The following ITGA6 variants were observed in gnomAD, a reference collection of about 807,000 sequenced individuals.
ITGA6 encodes integrin alpha-6.
ITGA6 carries 63 observed loss-of-function variants against 133.6 expected under a neutral mutation model. The observed-to-expected ratio is 0.47, with a 90% confidence interval of 0.38 to 0.58. The LOEUF (loss-of-function observed/expected upper bound fraction) is 0.58. Among genes scored for constraint, ITGA6 ranks in the 20% least tolerant of loss-of-function variants. The pLI, the probability that ITGA6 is intolerant of heterozygous loss-of-function variation, is 0.00. For missense variants in ITGA6, 1,068 were observed against 1,309.4 expected (o/e 0.82, Z 2.85); for synonymous variants, 434 against 482.0 (o/e 0.90, Z 1.30).
At chr2:172,502,315 A>G (rs1687383504) in intron 25 of ITGA6, among the ~76,000 whole-genome samples, 1 of 152,164 alleles carries the variant, frequency 6.6e-6, no homozygotes, top group Non-Finnish European at 1.5e-5. Context: ...TTTTCCACAG[A>G]TAGAAGCTGT....
chr2:172,453,783 A>G (rs79338030), intron 1 of ITGA6, among the ~76,000 whole-genome samples: 1 of 152,326 alleles, frequency 6.6e-6, no homozygotes, highest in East Asian at 1.9e-4. Flanking sequence ...AATTATTAAT[A>G]CTGGAGTTTG....
At chr2:172,482,502 G>C (rs1484774878) in intron 11 of ITGA6, among the ~76,000 whole-genome samples, 2 of 152,146 alleles carry the variant, frequency 1.3e-5, no homozygotes, top group Non-Finnish European at 2.9e-5. Flanking sequence ...CAAGCAGTTA[G>C]CAAAGGTGGC....
rs564297820 is a variant in ITGA6, at chr2:172,440,113, C to A, written c.182+12143C>A. On this transcript the variant is annotated intron_variant, in intron 1 of 25. Transcript: ENST00000684293. ...TGGGTGTTTGCAAATAAGACAGCAC[C>A]TGTTTGCCCTCCTGGCCTTGCTAAA... 2.2e-4 allele frequency among the ~76,000 whole-genome samples: 34 copies of A among 152,282 alleles called. No homozygotes were observed. In the South Asian group the frequency reaches 3.9e-3, roughly 18 times the overall value.
intron 10 of ITGA6, 106 bp downstream of exon 10, chr2:172,479,845 G>T: frequency 1.7e-6 from 2 of 1,168,726 alleles, no homozygotes; most frequent in Non-Finnish European, 1.3e-6. Flanking sequence ...GGAGTGCTGG[G>T]CAAAGGGAAG....
chr2:172,486,176 C>CAAAAAAA lies in ITGA6; in HGVS notation c.1855-832_1855-826dup, dbSNP rs67271824. Among the ~76,000 whole-genome samples, 145 of 77,256 alleles carry CAAAAAAA rather than the reference C, an allele frequency of 1.9e-3. 2 individuals carry two copies. Among genetic ancestry groups the CAAAAAAA allele is most frequent in the East Asian group, 9.6e-3 (15 of 1,566 alleles). The allele number at this position is 77,256 out of a possible 152,430, so 50.7% of individuals were successfully genotyped here. On this transcript the variant is annotated intron_variant, in intron 13 of 25. Transcript: ENST00000684293. ...GGCAAAAAGAGTAAGACTCTATCTC[C>CAAAAAAA]AAAAAAAAAAAAAAAAAAAAACAAC... is the stretch of plus-strand genomic sequence containing the variant.
chr2:172,503,871 A>G (rs1687450107), intron 25 of ITGA6: 1 of 353,562 alleles, frequency 2.8e-6, no homozygotes, highest in Non-Finnish European at 5.1e-6. Flanking sequence ...GAAGATGAAA[A>G]TGGACTTTTC....
intron 1 of ITGA6, among the ~76,000 whole-genome samples, chr2:172,463,383 C>T (rs1455816289): frequency 6.6e-6 from 1 of 152,168 alleles, no homozygotes; most frequent in Non-Finnish European, 1.5e-5. Context: ...TCTTACCCAG[C>T]CTTCACTCCA....
At position 172,484,573 on chromosome 2, in the gene ITGA6, A is replaced by G. The variant is rs1686584747; in HGVS notation, c.1550-209A>G. 1.3e-5 allele frequency among the ~76,000 whole-genome samples: 2 copies of G among 150,390 alleles called. 1 individual carries two copies. Among genetic ancestry groups the G allele is most frequent in the South Asian group, 4.2e-4 (2 of 4,768 alleles). ...CCCCAGGTGGCACAATGAAAATTTA[A>G]CTTTGAAACATTGTTAACAGCAAAA... On this transcript the variant is annotated intron_variant, in intron 11 of 25. Coordinates refer to ENST00000684293, the MANE Select transcript of ITGA6 (RefSeq NM_000210.4).
chr2:172,444,174 A>G (rs988899679), intron 1 of ITGA6, among the ~76,000 whole-genome samples: 1 of 152,240 alleles, frequency 6.6e-6, no homozygotes, highest in Admixed American at 6.5e-5. Context: ...TGGTACTGCC[A>G]AGACTTGAAC....
At chr2:172,453,611 G>A (rs902104591) in intron 1 of ITGA6, among the ~76,000 whole-genome samples, 1 of 152,196 alleles carries the variant, frequency 6.6e-6, no homozygotes, top group Non-Finnish European at 1.5e-5. Flanking sequence ...TGGCTTACTG[G>A]TATTGGGCTG....
intron 13 of ITGA6, among the ~76,000 whole-genome samples, chr2:172,486,605 G>A (rs539635476): frequency 3.3e-5 from 5 of 152,264 alleles, no homozygotes; most frequent in East Asian, 1.9e-4. Context: ...TATGTAAATC[G>A]AGTATTATAA....
At position 172,483,705 on chromosome 2, in the gene ITGA6, T is replaced by C. The variant is rs146631316; in HGVS notation, c.1550-1077T>C. On this transcript the variant is annotated intron_variant, in intron 11 of 25. Coordinates refer to ENST00000684293, the MANE Select transcript of ITGA6 (RefSeq NM_000210.4). ...GTTATCAAGAACAGGCTGTGCCTTC[T>C]AGCCCAGTGCAAGGTAGGCAGTTTG... Among the ~76,000 whole-genome samples the C allele has an allele frequency of 5.0e-3, 755 of 152,336 alleles. 17 individuals carry two copies. Among genetic ancestry groups the C allele is most frequent in the Admixed American group, 0.04 (609 of 15,298 alleles).
intron 24 of ITGA6, among the ~76,000 whole-genome samples, chr2:172,501,383 T>A (rs1687341185): frequency 6.6e-6 from 1 of 152,242 alleles, no homozygotes; most frequent in Admixed American, 6.5e-5. Flanking sequence ...TTTTCTAACC[T>A]TTGTCTCAAT....
intron 3 of ITGA6, chr2:172,468,891 A>G: frequency 2.1e-6 from 1 of 478,660 alleles, no homozygotes; most frequent in Non-Finnish European, 3.7e-6. Flanking sequence ...TTTGGATTGG[A>G]GGATTATTCT....
chr2:172,427,512 G>A, upstream of ITGA6: 1 of 1,121,042 alleles, frequency 8.9e-7, no homozygotes, highest in Non-Finnish European at 1.1e-6. Context: ...CGCGCAAGGA[G>A]GGGCGAGAGG....
chr2:172,437,008 A>C (rs534400875), intron 1 of ITGA6, among the ~76,000 whole-genome samples: 2 of 152,174 alleles, frequency 1.3e-5, no homozygotes, highest in Non-Finnish European at 2.9e-5. Flanking sequence ...GCTGCCTGGG[A>C]AGACTTTGCT....
chr2:172,472,882 G>A (rs768980403), intron 5 of ITGA6: 1 of 1,598,592 alleles, frequency 6.3e-7, no homozygotes, highest in South Asian at 1.1e-5. Context: ...ATGATGAATA[G>A]CTACCTAGGT....
At chr2:172,428,336 G>GTGGC (rs1039204254) in intron 1 of ITGA6, 16 of 154,582 alleles carry the variant, frequency 1.0e-4, no homozygotes, top group African/African-American at 3.9e-4. Flanking sequence ...TGGGGCTGGG[G>GTGGC]TGGCGTTCAG....
chr2:172,467,693 A>C, intron 3 of ITGA6, 133 bp downstream of exon 3: 1 of 729,674 alleles, frequency 1.4e-6, no homozygotes, highest in East Asian at 2.8e-5. Flanking sequence ...AATGGATGTC[A>C]AAAAGAAATC....
Sources: allele counts gnomAD v4.1 joint callset (sites outside exome capture counted in the v4.1 genomes callset), GRCh38; gene constraint gnomAD v4.1.1; transcripts MANE v1.5; gene names NCBI Gene and HGNC (gene_info 2026-07-23, HGNC 2026-07-21).